ELMO1: variants seen among roughly 807,000 people sequenced by gnomAD.
ELMO1 encodes the protein engulfment and cell motility 1.
ELMO1 carries 26 observed loss-of-function variants against 98.9 expected under a neutral mutation model. The ratio of observed to expected loss-of-function variants is 0.26; its 90% CI spans 0.19 to 0.36. ELMO1 has a LOEUF of 0.36. Among genes scored for constraint, ELMO1 ranks in the 10% least tolerant of loss-of-function variants. ELMO1 has a pLI of 1.00. For missense variants in ELMO1, 627 were observed against 935.2 expected (o/e 0.67, Z 4.30); for synonymous variants, 346 against 346.0 (o/e 1.00, Z 0.00).
At chr7:37,137,361 T>G (rs542089354) in intron 13 of ELMO1, among the ~76,000 whole-genome samples, 1 of 152,206 alleles carries the variant, frequency 6.6e-6, no homozygotes, top group Admixed American at 6.5e-5. Flanking sequence ...ACTAGAAAGG[T>G]CATCAAGACA....
At chr7:37,210,806 C>A (rs575520651) in intron 13 of ELMO1, among the ~76,000 whole-genome samples, 7 of 151,692 alleles carry the variant, frequency 4.6e-5, no homozygotes, top group Non-Finnish European at 1.0e-4. Context: ...GGGAGAAAAT[C>A]GAGAATATAG....
intron 16 of ELMO1, among the ~76,000 whole-genome samples, chr7:36,952,854 C>T (rs1301850649): frequency 6.6e-6 from 1 of 152,012 alleles, no homozygotes; most frequent in Non-Finnish European, 1.5e-5. Context: ...AGGAGACAGA[C>T]CTCTTTGTTA....
chr7:37,131,459 CAT>C lies in ELMO1; in HGVS notation c.1191+1669_1191+1670del, dbSNP rs1414792742. Reference sequence around the variant, plus strand: ...AAACATTAAATTACTTTTCATGAGACATATGCTTCTTATGCAATTAACAATAC... The same window carrying C: ...AAACATTAAATTACTTTTCATGAGACATGCTTCTTATGCAATTAACAATAC... On this transcript the variant is annotated intron_variant, in intron 14 of 21. Coordinates refer to ENST00000310758, the MANE Select transcript of ELMO1 (RefSeq NM_014800.11). Among the ~76,000 whole-genome samples the C allele has an allele frequency of 3.9e-5, 6 of 152,284 alleles. No individual in the cohort carries two copies. The East Asian group carries it at 1.2e-3, about 29-fold the overall frequency.
intron 4 of ELMO1, among the ~76,000 whole-genome samples, chr7:37,298,225 G>A (rs1238679204): frequency 4.0e-5 from 6 of 151,020 alleles, no homozygotes; most frequent in Non-Finnish European, 7.4e-5. Context: ...ACAAGAGAGG[G>A]GGGACCTGAA....
At chr7:36,896,950 G>T (rs990895912) in intron 16 of ELMO1, among the ~76,000 whole-genome samples, 1 of 152,142 alleles carries the variant, frequency 6.6e-6, no homozygotes, top group African/African-American at 2.4e-5. Context: ...AAGATATAGT[G>T]AAAAGAATAC....
At chr7:37,425,625 C>T (rs1472813159) in intron 1 of ELMO1, among the ~76,000 whole-genome samples, 3 of 152,362 alleles carry the variant, frequency 2.0e-5, no homozygotes, top group East Asian at 3.9e-4. Flanking sequence ...CTAGTTTTGG[C>T]TTTGGCCAAG....
intron 21 of ELMO1, among the ~76,000 whole-genome samples, chr7:36,860,386 G>T (rs923994213): frequency 1.3e-5 from 2 of 152,212 alleles, no homozygotes; most frequent in African/African-American, 4.8e-5. Flanking sequence ...ACTTTCTATT[G>T]TATGGAATAA....
intron 8 of ELMO1, among the ~76,000 whole-genome samples, chr7:37,231,292 C>T (rs558359249): frequency 7.3e-5 from 11 of 150,144 alleles, no homozygotes; most frequent in African/African-American, 2.5e-5. Flanking sequence ...TCATGTCCTT[C>T]GATTCAAGGC....
chr7:37,005,462 C>G (rs1409289651), intron 16 of ELMO1, among the ~76,000 whole-genome samples: 1 of 152,202 alleles, frequency 6.6e-6, no homozygotes, highest in Admixed American at 6.5e-5. Flanking sequence ...GAGGCCAAGG[C>G]AGGTGAATCA....
At chr7:37,383,809 T>TTTG (rs137868643) in intron 1 of ELMO1, among the ~76,000 whole-genome samples, 2,213 of 151,898 alleles carry the variant, frequency 0.015, 51 homozygotes, top group African/African-American at 0.051. Flanking sequence ...TACAGGGCTT[T>TTTG]TTGTTGTTGT....
chr7:37,167,428 T>C (rs528123122), intron 13 of ELMO1, among the ~76,000 whole-genome samples: 91 of 152,134 alleles, frequency 6.0e-4, no homozygotes, highest in African/African-American at 2.2e-3. Context: ...AGTTTCTTCC[T>C]AGTCTCAATG....
intron 15 of ELMO1, among the ~76,000 whole-genome samples, chr7:37,043,745 C>T (rs528784870): frequency 3.3e-5 from 5 of 152,190 alleles, no homozygotes; most frequent in South Asian, 4.2e-4. Context: ...TGGAGACCAA[C>T]GAGAGTTTGG....
intron 4 of ELMO1, among the ~76,000 whole-genome samples, chr7:37,306,474 G>A (rs1486978309): frequency 6.6e-6 from 1 of 152,178 alleles, no homozygotes; most frequent in Non-Finnish European, 1.5e-5. Flanking sequence ...AGTGCATGGG[G>A]AGTCCATGCC....
intron 13 of ELMO1, among the ~76,000 whole-genome samples, chr7:37,155,766 G>T (rs542775803): frequency 6.6e-6 from 1 of 152,068 alleles, no homozygotes; most frequent in African/African-American, 2.4e-5. Context: ...ACAGATCAAC[G>T]AGACAGAAAA....
At chr7:37,041,724 G>A (rs1198958028) in intron 15 of ELMO1, among the ~76,000 whole-genome samples, 1 of 152,074 alleles carries the variant, frequency 6.6e-6, no homozygotes, top group African/African-American at 2.4e-5. Context: ...AGCTGTGCTC[G>A]GTGGTGACCT....
intron 1 of ELMO1, among the ~76,000 whole-genome samples, chr7:37,344,942 C>T (rs1043715436): frequency 1.3e-5 from 2 of 152,128 alleles, no homozygotes; most frequent in African/African-American, 4.8e-5. Context: ...CCAGAGTAGG[C>T]CTTGTGAGTT....
intron 16 of ELMO1, among the ~76,000 whole-genome samples, chr7:36,953,188 G>A (rs930341013): frequency 6.6e-6 from 1 of 151,764 alleles, no homozygotes; most frequent in African/African-American, 2.4e-5. Context: ...GGATGATATC[G>A]ATCTCCTGAC....
chr7:37,111,115 T>C (rs1785227799), intron 14 of ELMO1, among the ~76,000 whole-genome samples: 1 of 152,196 alleles, frequency 6.6e-6, no homozygotes, highest in Non-Finnish European at 1.5e-5. Flanking sequence ...CCTCAGCCAT[T>C]CTGACAGTAG....
intron 4 of ELMO1, among the ~76,000 whole-genome samples, chr7:37,304,316 G>A (rs1798491058): frequency 6.6e-6 from 1 of 152,180 alleles, no homozygotes; most frequent in Non-Finnish European, 1.5e-5. Flanking sequence ...TAGCTCCTAG[G>A]GGAAGTCAGG....
Sources: allele counts gnomAD v4.1 joint callset (sites outside exome capture counted in the v4.1 genomes callset), GRCh38; gene constraint gnomAD v4.1.1; transcripts MANE v1.5; gene names NCBI Gene and HGNC (gene_info 2026-07-23, HGNC 2026-07-21).